The following PIK3C2A variants were observed in gnomAD, a reference collection of about 807,000 sequenced individuals.
PIK3C2A encodes phosphatidylinositol 4-phosphate 3-kinase C2 domain-containing subunit alpha.
A neutral mutation model predicts 204.5 loss-of-function variants in PIK3C2A; 97 were observed. The observed-to-expected ratio is 0.47, with a 90% CI of 0.40 to 0.56. The LOEUF (loss-of-function observed/expected upper bound fraction) is 0.56. Ranked by LOEUF, PIK3C2A falls within the 20% of genes least tolerant of loss-of-function variation. PIK3C2A has a pLI of 0.00. For synonymous variants in PIK3C2A, 653 were observed against 664.4 expected (o/e 0.98, Z 0.26); for missense variants, 1,735 against 1,969.2 (o/e 0.88, Z 2.25).
chr11:17,156,622 A>G (rs1850601403), intron 2 of PIK3C2A, among the ~76,000 whole-genome samples: 1 of 152,178 alleles, frequency 6.6e-6, no homozygotes, highest in Non-Finnish European at 1.5e-5. Context: ...GGCTCAAGCA[A>G]TCTGCCTGCC....
chr11:17,122,015 T>C (rs566231613), intron 15 of PIK3C2A, among the ~76,000 whole-genome samples, 173 bp downstream of exon 15: 15 of 149,932 alleles, frequency 1.0e-4, no homozygotes, highest in African/African-American at 3.7e-4. Flanking sequence ...GAGACAAAAG[T>C]TTTGTAGATT....
chr11:17,119,630 C>A (rs1446318424), intron 16 of PIK3C2A, among the ~76,000 whole-genome samples, 156 bp downstream of exon 16: 2 of 152,120 alleles, frequency 1.3e-5, no homozygotes, highest in Non-Finnish European at 2.9e-5. Flanking sequence ...TTATTGACAA[C>A]TTCAATGCAG....
At chr11:17,135,084 C>T (rs765862749) in intron 10 of PIK3C2A, 27 bp downstream of exon 10, 1 of 1,613,196 alleles carries the variant, frequency 6.2e-7, no homozygotes, top group Non-Finnish European at 8.5e-7. Flanking sequence ...ATGATTATTG[C>T]TAAAATTTAA....
At chr11:17,171,836 C>G (rs1236990091) in intron 1 of PIK3C2A, among the ~76,000 whole-genome samples, 2 of 152,172 alleles carry the variant, frequency 1.3e-5, no homozygotes, top group Non-Finnish European at 2.9e-5. Context: ...GTCTTGAACT[C>G]CTGGCCTCAA....
intron 1 of PIK3C2A, among the ~76,000 whole-genome samples, chr11:17,195,840 C>G (rs1044307155): frequency 1.3e-5 from 2 of 151,720 alleles, no homozygotes; most frequent in South Asian, 2.1e-4. Flanking sequence ...GGGTTTGAGA[C>G]CATCCTGGCT....
At chr11:17,109,838 A>T (rs1027287675) in intron 22 of PIK3C2A, among the ~76,000 whole-genome samples, 1 of 152,040 alleles carries the variant, frequency 6.6e-6, no homozygotes, top group Admixed American at 6.6e-5. Context: ...ACCCAGAGAT[A>T]TGGCATTATT....
intron 1 of PIK3C2A, among the ~76,000 whole-genome samples, chr11:17,203,310 T>C (rs1294799355): frequency 6.9e-6 from 1 of 145,864 alleles, no homozygotes; most frequent in Non-Finnish European, 1.5e-5. Flanking sequence ...CTGGTCAACA[T>C]AGTGAGACAC....
At chr11:17,118,066 AT>A (rs201766176) in intron 18 of PIK3C2A, among the ~76,000 whole-genome samples, 7 of 127,186 alleles carry the variant, frequency 5.5e-5, no homozygotes, top group South Asian at 2.5e-4. Flanking sequence ...AACAAGTTCA[AT>A]TTTTTTTTCT....
rs749908394 is a variant in PIK3C2A, at chr11:17,119,874, T to C, written c.2758A>G (p.Lys920Glu). 102 of 1,611,954 alleles carry C rather than the reference T, an allele frequency of 6.3e-5. 2 individuals carry two copies. In the South Asian group the frequency reaches 1.1e-3, roughly 17 times the overall value. The change falls in exon 16 of 33, where the codon AAA (lysine) becomes GAA (glutamate). Residue 920 changes from lysine to glutamate, a missense_variant. By Grantham distance (56) the Lys-to-Glu change is moderately conservative. Around this residue, in one of 6 missense-constraint regions of PIK3C2A, gnomAD observed 567 missense variants for 576.0 expected, o/e 0.98. Transcript: ENST00000691414. ...PKILASAPNW[K>E]WVNLAKTYSL... is the part of the protein sequence containing the mutation. Reference sequence around the variant, plus strand: ...TAAGTTTTGGCAAGATTAACCCATTTCCAGTTTGGGGCGCTTGCTAATATT... The same window carrying C: ...TAAGTTTTGGCAAGATTAACCCATTCCCAGTTTGGGGCGCTTGCTAATATT...
At chr11:17,198,746 T>A (rs1191900793) in intron 1 of PIK3C2A, among the ~76,000 whole-genome samples, 1 of 151,880 alleles carries the variant, frequency 6.6e-6, no homozygotes, top group African/African-American at 2.4e-5. Flanking sequence ...GCATTACGAT[T>A]GTCTCTGCGA....
intron 1 of PIK3C2A, among the ~76,000 whole-genome samples, chr11:17,192,928 C>G (rs1209845431): frequency 1.3e-5 from 2 of 152,198 alleles, no homozygotes; most frequent in African/African-American, 2.4e-5. Context: ...GAGGTGGGAC[C>G]TTTAAGAGAT....
Position 17,088,450 on chromosome 11 carries a change from C to T in PIK3C2A, c.*1288G>A, listed in dbSNP as rs1848209323. On this transcript the variant is annotated 3_prime_UTR_variant, in exon 33 of 33. Coordinates refer to ENST00000691414, the MANE Select transcript of PIK3C2A (RefSeq NM_002645.4). ...AGAGACGGGGTTTCACCATGTTGGCCAGGCTGGTCTCAAACTCCTGACCTC... is the reference window on the plus strand; with the variant it reads ...AGAGACGGGGTTTCACCATGTTGGCTAGGCTGGTCTCAAACTCCTGACCTC... 1 of 152,034 alleles carries T rather than the reference C, an allele frequency of 6.6e-6. No individual in the cohort carries two copies. The highest frequency in any genetic ancestry group is 6.6e-5 in the Admixed American group (1 of 15,260). 9.4% of individuals were successfully genotyped at this position (152,034 alleles called of 1,614,324 possible).
intron 9 of PIK3C2A, among the ~76,000 whole-genome samples, chr11:17,135,900 C>T (rs921222246): frequency 6.6e-6 from 1 of 152,122 alleles, no homozygotes; most frequent in African/African-American, 2.4e-5. Flanking sequence ...AGATGCACCC[C>T]TTCTTTTATC....
At chr11:17,102,870 A>G (rs1225470308) in intron 23 of PIK3C2A, 39 bp from the exon 24 acceptor site, 1 of 1,367,284 alleles carries the variant, frequency 7.3e-7, no homozygotes, top group Non-Finnish European at 1.0e-6. Flanking sequence ...AAAATGAATT[A>G]TTTTTAAAAG....
At chr11:17,133,182 C>G (rs1216496639) in intron 11 of PIK3C2A, among the ~76,000 whole-genome samples, 1 of 152,048 alleles carries the variant, frequency 6.6e-6, no homozygotes. Context: ...ATTTTTATCA[C>G]CGTTTTCTGT....
Position 17,132,345 on chromosome 11 carries a change from C to T in PIK3C2A, c.2109-307G>A, listed in dbSNP as rs1384956311. 9.1e-5 allele frequency among the ~76,000 whole-genome samples: 10 copies of T among 110,276 alleles called. No homozygotes were observed. In the East Asian group the frequency reaches 2.2e-3, roughly 24 times the overall value. The allele number at this position is 110,276 out of a possible 152,430, so 72.3% of individuals were successfully genotyped here. A position where few individuals can be genotyped will look rare whatever the true frequency, so the allele number is the denominator to read the frequency against. ...TTTTTTTTTTTTTTTTTTTTTGAGA[C>T]GGAGTCTCGCTCTGTCGCCCAGGAC... is the stretch of plus-strand genomic sequence containing the variant. On this transcript the variant is annotated intron_variant, in intron 11 of 32. Coordinates refer to ENST00000691414, the MANE Select transcript of PIK3C2A (RefSeq NM_002645.4).
chr11:17,178,096 A>G (rs1347518905), intron 1 of PIK3C2A, among the ~76,000 whole-genome samples: 1 of 92,610 alleles, frequency 1.1e-5, no homozygotes, highest in Non-Finnish European at 2.2e-5. Context: ...CCATCTCAAA[A>G]AAAAAAAAAA....
chr11:17,149,871 C>T (rs970749483), intron 4 of PIK3C2A, among the ~76,000 whole-genome samples: 1 of 152,218 alleles, frequency 6.6e-6, no homozygotes, highest in East Asian at 1.9e-4. Flanking sequence ...ATATTAGACA[C>T]ATTCCTAGTC....
At chr11:17,163,022 T>A (rs909305819) in intron 2 of PIK3C2A, among the ~76,000 whole-genome samples, 1 of 152,162 alleles carries the variant, frequency 6.6e-6, no homozygotes, top group African/African-American at 2.4e-5. Context: ...ATAGGACTTG[T>A]TTGGCCAGGC....
Sources: allele counts gnomAD v4.1 joint callset (sites outside exome capture counted in the v4.1 genomes callset), GRCh38; gene constraint gnomAD v4.1.1; regional missense constraint gnomAD v4.1.1; transcripts MANE v1.5; gene names NCBI Gene and HGNC (gene_info 2026-07-23, HGNC 2026-07-21).